The following MYO1H variants were observed in gnomAD, a reference collection of about 807,000 sequenced individuals.
The protein encoded by MYO1H is myosin IH.
Under a neutral mutation model 149.3 loss-of-function variants are expected in MYO1H, and 118 were observed. The observed-to-expected ratio is 0.79, with a 90% CI of 0.68 to 0.92. The LOEUF is 0.92. MYO1H is among the 40% of genes least tolerant of loss of function. The pLI is 0.00. For synonymous variants in MYO1H, 447 were observed against 465.2 expected, an observed-to-expected ratio of 0.96 and a Z score of 0.50; for missense variants, 1,212 against 1,280.7, an observed-to-expected ratio of 0.95 and a Z score of 0.82.
intron 31 of MYO1H, chr12:109,446,945 G>C: frequency 1.6e-6 from 1 of 617,066 alleles, no homozygotes; most frequent in East Asian, 2.7e-5. Context: ...GTCACACGGA[G>C]TCCATCTTCC....
chr12:109,405,603 C>T (rs796613909), intron 7 of MYO1H, among the ~76,000 whole-genome samples: 1 of 152,184 alleles, frequency 6.6e-6, no homozygotes. Context: ...AGCCACCGCG[C>T]CCGGCCATAA....
the MYO1H span, among the ~76,000 whole-genome samples, chr12:109,336,846 C>T: frequency 6.6e-6 from 1 of 152,270 alleles, no homozygotes; most frequent in African/African-American, 2.4e-5. Context: ...ATTCCCGAAC[C>T]AATTGCCATT....
At chr12:109,341,204 A>AAAAAAC in the MYO1H span, among the ~76,000 whole-genome samples, 1 of 146,538 alleles carries the variant, frequency 6.8e-6, no homozygotes. Flanking sequence ...AAAAAAAAAA[A>AAAAAAC]AAGCCAGATT....
chr12:109,348,751 T>C (rs1249118860), intron 1 of MYO1H, among the ~76,000 whole-genome samples: 1 of 152,226 alleles, frequency 6.6e-6, no homozygotes, highest in East Asian at 1.9e-4. Flanking sequence ...CATAATCATC[T>C]CATGTGTTCT....
chr12:109,416,069 A>C (rs1164753626), intron 15 of MYO1H, among the ~76,000 whole-genome samples: 1 of 151,818 alleles, frequency 6.6e-6, no homozygotes, highest in African/African-American at 2.4e-5. Flanking sequence ...CAGCCTCCCA[A>C]GTAACTGGGA....
the MYO1H span, among the ~76,000 whole-genome samples, chr12:109,330,860 G>A: frequency 0.023 from 3,571 of 152,014 alleles, 76 homozygotes; most frequent in Non-Finnish European, 0.03. Context: ...GTCTTGTGTC[G>A]TCAGACTAAA....
At chr12:109,327,165 C>A in the MYO1H span, among the ~76,000 whole-genome samples, 2 of 135,990 alleles carry the variant, frequency 1.5e-5, no homozygotes, top group Non-Finnish European at 3.1e-5. Flanking sequence ...CAGAGTCTCC[C>A]TCTGTCACCC....
intron 11 of MYO1H, 61 bp from the exon 12 acceptor site, chr12:109,409,902 T>C: frequency 1.0e-6 from 1 of 985,526 alleles, no homozygotes; most frequent in South Asian, 1.8e-5. Flanking sequence ...AGAATATAAT[T>C]TGTTTAAAAA....
intron 6 of MYO1H, among the ~76,000 whole-genome samples, chr12:109,403,544 G>T (rs1870252907): frequency 6.6e-6 from 1 of 152,064 alleles, no homozygotes; most frequent in Non-Finnish European, 1.5e-5. Flanking sequence ...TTATTTCCTT[G>T]CAGGAAAGGC....
intron 1 of MYO1H, among the ~76,000 whole-genome samples, chr12:109,376,114 A>G (rs1869082448): frequency 6.6e-6 from 1 of 151,370 alleles, no homozygotes; most frequent in Non-Finnish European, 1.5e-5. Flanking sequence ...TTACTGAAAT[A>G]CAATTCATAC....
the MYO1H span, among the ~76,000 whole-genome samples, chr12:109,331,924 A>G: frequency 6.6e-6 from 1 of 152,208 alleles, no homozygotes; most frequent in African/African-American, 2.4e-5. Flanking sequence ...CAGTACAAAG[A>G]TCAGATTTTG....
intron 6 of MYO1H, among the ~76,000 whole-genome samples, 176 bp from the exon 7 acceptor site, chr12:109,403,806 G>C (rs1206300513): frequency 6.6e-6 from 1 of 152,024 alleles, no homozygotes; most frequent in East Asian, 1.9e-4. Flanking sequence ...AAATAAATTT[G>C]AAAAAAAGCA....
chr12:109,421,183 C>T (rs571943019), intron 16 of MYO1H, among the ~76,000 whole-genome samples, 156 bp downstream of exon 16: 3 of 151,914 alleles, frequency 2.0e-5, no homozygotes, highest in Admixed American at 6.6e-5. Flanking sequence ...TCAGGATCAT[C>T]TGTGTGGACA....
chr12:109,423,776 C>T lies in MYO1H; in HGVS notation c.1645-972C>T, dbSNP rs112650380. ...TTATTTCACTTAGCGTGGGTTTATT[C>T]GTGTTGTGGAATATGTCAGAATCAT... On this transcript the variant is annotated intron_variant, in intron 16 of 31. Coordinates refer to ENST00000310903, the Ensembl canonical transcript of MYO1H. Among the ~76,000 whole-genome samples, 107 of 152,160 alleles carry T rather than the reference C, an allele frequency of 7.0e-4. 1 individual carries two copies. Among genetic ancestry groups the T allele is most frequent in the African/African-American group, 2.4e-3 (101 of 41,510 alleles).
exon 11 of MYO1H, chr12:109,409,591 A>T (rs1870574980): frequency 6.2e-7 from 1 of 1,613,676 alleles, no homozygotes; most frequent in Admixed American, 1.7e-5. Flanking sequence ...GGATTACTGG[A>T]CATCTATGGG....
At chr12:109,425,910 G>A (rs761380959) in intron 17 of MYO1H, 36 bp from the exon 18 acceptor site, 4 of 1,463,874 alleles carry the variant, frequency 2.7e-6, no homozygotes, top group Admixed American at 1.8e-5. Flanking sequence ...GTATCTCTCT[G>A]GCTCGTTCTC....
intron 19 of MYO1H, among the ~76,000 whole-genome samples, chr12:109,428,041 C>T (rs1340726279): frequency 2.1e-5 from 3 of 144,620 alleles, no homozygotes; most frequent in Non-Finnish European, 3.0e-5. Flanking sequence ...AACTTGAGAT[C>T]GTACCACTGC....
At chr12:109,329,868 C>T in the MYO1H span, among the ~76,000 whole-genome samples, 1 of 152,156 alleles carries the variant, frequency 6.6e-6, no homozygotes, top group Admixed American at 6.5e-5. Context: ...TCCTAGAATT[C>T]CACGTTGTGA....
intron 30 of MYO1H, 132 bp downstream of exon 30, chr12:109,444,661 G>A: frequency 1.4e-6 from 1 of 703,042 alleles, no homozygotes; most frequent in Non-Finnish European, 2.5e-6. Flanking sequence ...GAGGCTAGGA[G>A]TTCAAGACCA....
Sources: allele counts gnomAD v4.1 joint callset (sites outside exome capture counted in the v4.1 genomes callset), GRCh38; gene constraint gnomAD v4.1.1; transcripts MANE v1.5; gene names NCBI Gene and HGNC (gene_info 2026-07-23, HGNC 2026-07-21).